FAM200B: variants seen among roughly 807,000 people sequenced by gnomAD.
FAM200B encodes the protein protein FAM200B.
Under a neutral mutation model 33.1 loss-of-function variants are expected in FAM200B, and 32 were observed. That is an observed-to-expected ratio of 0.97 (90% CI 0.73 to 1.30). The LOEUF (loss-of-function observed/expected upper bound fraction) is 1.30. Ranked by LOEUF, FAM200B falls within the 50% of genes most tolerant of loss-of-function variation. The pLI, the probability that FAM200B is intolerant of heterozygous loss-of-function variation, is 0.00. For synonymous variants in FAM200B, 240 were observed against 264.8 expected (o/e 0.91, Z 0.91); for missense variants, 741 against 754.0 (o/e 0.98, Z 0.20).
the FAM200B span, among the ~76,000 whole-genome samples, chr4:15,646,461 GAAAA>G: frequency 7.5e-6 from 1 of 132,994 alleles, no homozygotes; most frequent in African/African-American, 2.8e-5. Context: ...TCATTTTTTG[GAAAA>G]AAAAAAAAAG....
At chr4:15,640,892 C>T in the FAM200B span, 1 of 1,213,984 alleles carries the variant, frequency 8.2e-7, no homozygotes, top group Non-Finnish European at 1.1e-6. Flanking sequence ...TTCTGGAAAC[C>T]AAAAAAAAAA....
chr4:15,653,757 T>C, the FAM200B span, among the ~76,000 whole-genome samples: 1 of 152,200 alleles, frequency 6.6e-6, no homozygotes, highest in Non-Finnish European at 1.5e-5. Context: ...GGATATACCC[T>C]CTTGCTTAAT....
the FAM200B span, among the ~76,000 whole-genome samples, chr4:15,647,222 C>CAAAAAAA: frequency 5.5e-4 from 20 of 36,408 alleles, no homozygotes; most frequent in Admixed American, 2.0e-3. Flanking sequence ...GACTCCATCT[C>CAAAAAAA]AAAAAAAAAA....
chr4:15,687,335 GAATATTTTCAAAGA>G lies in FAM200B; in HGVS notation c.361_374del (p.Tyr121GlufsTer12). 6.5e-7 allele frequency: 1 copy of G among 1,545,138 alleles called. No individual in the cohort carries two copies. Among genetic ancestry groups the G allele is most frequent in the Admixed American group, 2.0e-5 (1 of 50,146 alleles). ...TGCTGAACTTATTGATAAGCCTCTT[GAATATTTTCAAAGA>G]AAGAAAAAAGACATAAAGTTATCAA... On this transcript the variant is annotated frameshift_variant, in exon 2 of 2. Coordinates refer to ENST00000422728, the MANE Select transcript of FAM200B (RefSeq NM_001145191.2). LOFTEE classifies it high-confidence loss of function.
chr4:15,688,023 CAGTGAA>C lies in FAM200B; in HGVS notation c.1050_1055del (p.Lys351_Val352del), dbSNP rs1719050925. 1 of 1,550,438 alleles carries C rather than the reference CAGTGAA, an allele frequency of 6.4e-7. No individual in the cohort carries two copies. The highest frequency in any genetic ancestry group is 1.4e-5 in the African/African-American group (1 of 72,976). On this transcript the variant is annotated inframe_deletion, in exon 2 of 2. Transcript: ENST00000422728. ...AATCTCATGGAGGTATTGAAAAATG[CAGTGAA>C]AGTTGTTAATTTTATTAAAGGAAGC...
In FAM200B at chr4:15,686,991, T is replaced by G. The variant is rs979599458; in HGVS notation, c.14T>G (p.Phe5Cys). ...ATTGCTATTAAAATGGATCATTTCT[T>G]TATTAAAAGAAAGAGGAATAGTGAA... Reference protein sequence around the residue: MDHFFIKRKRNSEVK... With the variant: MDHFCIKRKRNSEVK... The change falls in exon 2 of 2, where the codon TTT (phenylalanine) becomes TGT (cysteine). Residue 5 changes from phenylalanine to cysteine, a missense_variant. By Grantham distance (205) the Phe-to-Cys change is radical (BLOSUM62 -2). Transcript: ENST00000422728. The G allele has an allele frequency of 1.4e-6, 2 of 1,395,374 alleles. No homozygotes were observed. Among genetic ancestry groups the G allele is most frequent in the African/African-American group, 1.5e-5 (1 of 68,030 alleles). The allele number at this position is 1,395,374 out of a possible 1,614,324, so 86.4% of individuals were successfully genotyped here. A position where few individuals can be genotyped will look rare whatever the true frequency, so the allele number is the denominator to read the frequency against.
the FAM200B span, among the ~76,000 whole-genome samples, chr4:15,643,154 C>T: frequency 6.6e-6 from 1 of 152,118 alleles, no homozygotes; most frequent in African/African-American, 2.4e-5. Flanking sequence ...TAGTACCCTA[C>T]CCCAACCAAA....
the FAM200B span, among the ~76,000 whole-genome samples, chr4:15,674,290 G>A: frequency 1.3e-5 from 2 of 150,826 alleles, no homozygotes; most frequent in Non-Finnish European, 1.5e-5. Context: ...ATTGCTAAGT[G>A]GCATGAATGT....
the FAM200B span, chr4:15,638,643 T>C: frequency 6.2e-7 from 1 of 1,613,386 alleles, no homozygotes; most frequent in East Asian, 2.2e-5. Context: ...TTCTTTTTAA[T>C]ATCCTTAAGC....
At chr4:15,636,807 GA>G in the FAM200B span, 1 of 624,594 alleles carries the variant, frequency 1.6e-6, no homozygotes, top group Non-Finnish European at 2.7e-6. Flanking sequence ...ATGTGAAAAT[GA>G]AATAACATGT....
chr4:15,681,457 T>A (rs560285833), upstream of FAM200B: 2 of 168,972 alleles, frequency 1.2e-5, no homozygotes, highest in African/African-American at 4.8e-5. Flanking sequence ...CTCTTTTCGC[T>A]CCCATGGCTC....
the FAM200B span, chr4:15,655,333 TC>T: frequency 1.5e-6 from 2 of 1,332,122 alleles, no homozygotes; most frequent in Non-Finnish European, 2.0e-6. Flanking sequence ...CCGCCGCCTC[TC>T]CATAGACACC....
At chr4:15,674,586 A>G in the FAM200B span, among the ~76,000 whole-genome samples, 1 of 151,888 alleles carries the variant, frequency 6.6e-6, no homozygotes, top group East Asian at 1.9e-4. Flanking sequence ...TAATCATAAA[A>G]CCTTCTTTTC....
chr4:15,688,735 G>A lies in FAM200B; in HGVS notation c.1758G>A (p.Lys586=), dbSNP rs1264696262. 3.2e-6 allele frequency: 5 copies of A among 1,550,468 alleles called. No homozygotes were observed. The highest frequency in any genetic ancestry group is 2.7e-5 in the African/African-American group (2 of 73,134). ...ETLSLSAFWM[K]VKEDFPLLSR... ...TAAGTTTATCAGCATTTTGGATGAA[G>A]GTAAAGGAAGACTTTCCATTGTTAA... The change falls in exon 2 of 2, where the codon AAG becomes AAA. Residue 586 remains lysine (K), a synonymous_variant. Transcript: ENST00000422728.
chr4:15,669,961 A>G, the FAM200B span, among the ~76,000 whole-genome samples: 11 of 152,228 alleles, frequency 7.2e-5, no homozygotes, highest in African/African-American at 2.4e-4. Flanking sequence ...GAAATTTTGC[A>G]ACATATGGAA....
rs1174661093 is a variant in FAM200B, at chr4:15,683,727, A to C, written c.-743+1826A>C. Among the ~76,000 whole-genome samples, 3 of 152,196 alleles carry C rather than the reference A, an allele frequency of 2.0e-5. No individual in the cohort carries two copies. In the East Asian group the frequency reaches 5.8e-4, roughly 29 times the overall value. On this transcript the variant is annotated intron_variant, in intron 1 of 1. Coordinates refer to ENST00000422728, the MANE Select transcript of FAM200B (RefSeq NM_001145191.2). Reference sequence around the variant, plus strand: ...TTTATTATGAAGTAGAATCTTTAACAATCCTGTTTTAAATAATATGTTTTA... The same window carrying C: ...TTTATTATGAAGTAGAATCTTTAACCATCCTGTTTTAAATAATATGTTTTA...
the FAM200B span, among the ~76,000 whole-genome samples, chr4:15,650,816 A>G: frequency 2.6e-5 from 4 of 151,856 alleles, no homozygotes; most frequent in African/African-American, 9.7e-5. Flanking sequence ...TATTTTTAGT[A>G]GAGATGAGGT....
intron 1 of FAM200B, among the ~76,000 whole-genome samples, chr4:15,682,435 G>C (rs1233493619): frequency 6.6e-6 from 1 of 152,116 alleles, no homozygotes; most frequent in Non-Finnish European, 1.5e-5. Flanking sequence ...AGAAATAAAT[G>C]ATTATATAAG....
rs895965916 is a variant in FAM200B, at chr4:15,687,196, C to G, written c.219C>G (p.Ile73Met). The G allele has an allele frequency of 6.2e-5, 95 of 1,537,476 alleles. No homozygotes were observed. Among genetic ancestry groups the G allele is most frequent in the Non-Finnish European group, 8.2e-5 (93 of 1,140,570 alleles). ...YNEDYLKYGF[I>M]KCEKPFENDR... ...AAGATTACTTAAAATATGGCTTTAT[C>G]AAATGTGAAAAACCCTTTGAAAATG... Residue 73 changes from isoleucine (I) to methionine (M), a missense_variant, in exon 2 of 2, where the codon ATC becomes ATG. Physicochemically the swap from Ile to Met is conservative, Grantham distance 10. Coordinates refer to ENST00000422728, the MANE Select transcript of FAM200B (RefSeq NM_001145191.2).
Sources: gnomAD v4.1 joint callset for allele counts (sites outside exome capture counted in the v4.1 genomes callset) on GRCh38, gnomAD v4.1.1 for gene constraint, MANE v1.5 for transcripts, NCBI Gene and HGNC (gene_info 2026-07-23, HGNC 2026-07-21) for gene names.